The following RUNX2 variants were observed in gnomAD, a reference collection of about 807,000 sequenced individuals.
RUNX2 encodes the protein runt-related transcription factor 2.
In RUNX2, 10 loss-of-function variants were observed where a neutral mutation model predicts 51.7. The ratio of observed to expected loss-of-function variants is 0.19; its 90% CI spans 0.12 to 0.33. The LOEUF (loss-of-function observed/expected upper bound fraction) is 0.33. Ranked by LOEUF, RUNX2 falls within the 10% of genes least tolerant of loss-of-function variation. RUNX2 has a pLI of 1.00. For missense variants in RUNX2, 562 were observed against 691.3 expected, an observed-to-expected ratio of 0.81 and a Z score of 2.10; for synonymous variants, 276 against 273.6, an observed-to-expected ratio of 1.01 and a Z score of -0.09.
At chr6:45,429,701 T>A (rs1166603628) in intron 3 of RUNX2, among the ~76,000 whole-genome samples, 2 of 152,210 alleles carry the variant, frequency 1.3e-5, no homozygotes, top group African/African-American at 4.8e-5. Flanking sequence ...GGGTGCTGAC[T>A]CAACATTAAC....
At chr6:45,372,519 T>C (rs1181696113) in intron 2 of RUNX2, among the ~76,000 whole-genome samples, 1 of 152,154 alleles carries the variant, frequency 6.6e-6, no homozygotes, top group Non-Finnish European at 1.5e-5. Flanking sequence ...TCAGCAAAAG[T>C]ACATTTCAAG....
intron 2 of RUNX2, among the ~76,000 whole-genome samples, chr6:45,381,211 A>C (rs1160307209): frequency 6.6e-6 from 1 of 152,182 alleles, no homozygotes; most frequent in African/African-American, 2.4e-5. Flanking sequence ...CAAAAAGATT[A>C]CTCAGCCCGG....
At chr6:45,375,193 G>A (rs1047690287) in intron 2 of RUNX2, among the ~76,000 whole-genome samples, 2 of 152,188 alleles carry the variant, frequency 1.3e-5, no homozygotes, top group Admixed American at 6.5e-5. Flanking sequence ...GGCAACAAGA[G>A]TGAAACTCCA....
intron 5 of RUNX2, among the ~76,000 whole-genome samples, chr6:45,462,157 CT>C (rs1799496122): frequency 1.3e-5 from 2 of 152,110 alleles, no homozygotes; most frequent in Admixed American, 1.3e-4. Flanking sequence ...AGGAAATTGC[CT>C]TAAATACATG....
At chr6:45,339,957 A>G (rs1789413917) in intron 2 of RUNX2, among the ~76,000 whole-genome samples, 1 of 152,180 alleles carries the variant, frequency 6.6e-6, no homozygotes, top group African/African-American at 2.4e-5. Context: ...TATATGAGAC[A>G]TGTATCATAA....
intron 2 of RUNX2, among the ~76,000 whole-genome samples, chr6:45,372,206 C>T (rs72862907): frequency 0.018 from 2,740 of 152,256 alleles, 42 homozygotes; most frequent in South Asian, 0.044. Flanking sequence ...AGTTATGCCA[C>T]CTCACTGCCT....
rs1802513928 is a variant in RUNX2, at chr6:45,549,910, C to T, written c.*2605C>T. On this transcript the variant is annotated 3_prime_UTR_variant, in exon 9 of 9. Transcript: ENST00000647337. Reference sequence around the variant, plus strand: ...CAAGCACTTCTTCCCTCCACCCTCACTCCAACCACCCCAATGGGGGTAATT... The same window carrying T: ...CAAGCACTTCTTCCCTCCACCCTCATTCCAACCACCCCAATGGGGGTAATT... 6.6e-6 allele frequency: 1 copy of T among 152,622 alleles called. No individual in the cohort carries two copies. The highest frequency in any genetic ancestry group is 1.5e-5 in the Non-Finnish European group (1 of 68,078). The allele number at this position is 152,622 out of a possible 1,614,324, so 9.5% of individuals were successfully genotyped here. A position where few individuals can be genotyped will look rare whatever the true frequency, so the allele number is the denominator to read the frequency against.
chr6:45,534,206 A>C (rs1801959669), intron 7 of RUNX2, among the ~76,000 whole-genome samples: 1 of 151,604 alleles, frequency 6.6e-6, no homozygotes, highest in Non-Finnish European at 1.5e-5. Context: ...TCCCGTTGAG[A>C]CTTCTGTTTG....
intron 5 of RUNX2, among the ~76,000 whole-genome samples, chr6:45,480,376 G>T (rs1405166173): frequency 1.3e-5 from 2 of 152,074 alleles, no homozygotes; most frequent in Non-Finnish European, 2.9e-5. Context: ...TTATTAGGGG[G>T]GTTATTTCAA....
At position 45,550,237 on chromosome 6, in the gene RUNX2, TC is replaced by T. The variant is rs1322010899; in HGVS notation, c.*2934del. 6.6e-6 allele frequency: 1 copy of T among 152,598 alleles called. No individual in the cohort carries two copies. Among genetic ancestry groups the T allele is most frequent in the African/African-American group, 2.4e-5 (1 of 41,460 alleles). 9.5% of individuals were successfully genotyped at this position (152,598 alleles called of 1,614,324 possible). A position where few individuals can be genotyped will look rare whatever the true frequency, so the allele number is the denominator to read the frequency against. On this transcript the variant is annotated 3_prime_UTR_variant, in exon 9 of 9. Coordinates refer to ENST00000647337, the MANE Select transcript of RUNX2 (RefSeq NM_001024630.4). ...CACAAATTTTAACCCATATCAGAGT[TC>T]CAGAACAGGTACCACAGCTTTGGTT...
chr6:45,511,050 T>G (rs1801128258), intron 6 of RUNX2, among the ~76,000 whole-genome samples: 1 of 152,196 alleles, frequency 6.6e-6, no homozygotes, highest in Admixed American at 6.5e-5. Flanking sequence ...TTTTAAAAAT[T>G]AACATAATTT....
intron 7 of RUNX2, among the ~76,000 whole-genome samples, chr6:45,543,954 G>A (rs1229053798): frequency 1.9e-4 from 29 of 150,580 alleles, no homozygotes; most frequent in Admixed American, 6.6e-5. Context: ...TTTTATAAGG[G>A]ATCTCGTATG....
intron 2 of RUNX2, among the ~76,000 whole-genome samples, chr6:45,331,833 A>C (rs184546555): frequency 6.6e-6 from 1 of 152,124 alleles, no homozygotes; most frequent in Admixed American, 6.6e-5. Flanking sequence ...TAATTTATTC[A>C]ATTACTCTCT....
chr6:45,546,744 C>T lies in RUNX2; in HGVS notation c.1088-83C>T. ...CTTTATGGGAAAGCTAAAGTTTTCTCTTTTTTTTTCTTGTAACAATTCTAT... is the reference window on the plus strand; with the variant it reads ...CTTTATGGGAAAGCTAAAGTTTTCTTTTTTTTTTTCTTGTAACAATTCTAT... On this transcript the variant is annotated intron_variant, in intron 8 of 8. Coordinates refer to ENST00000647337, the MANE Select transcript of RUNX2 (RefSeq NM_001024630.4). 2.4e-6 allele frequency: 3 copies of T among 1,236,260 alleles called. No individual in the cohort carries two copies. In the South Asian group the frequency reaches 3.7e-5, roughly 15 times the overall value. The allele number at this position is 1,236,260 out of a possible 1,614,324, so 76.6% of individuals were successfully genotyped here.
chr6:45,371,041 T>C (rs1462383829), intron 2 of RUNX2, among the ~76,000 whole-genome samples: 2 of 152,208 alleles, frequency 1.3e-5, no homozygotes, highest in Admixed American at 1.3e-4. Context: ...AACACTGTTG[T>C]TCTTACACAA....
At chr6:45,456,754 A>G (rs1799330314) in intron 5 of RUNX2, among the ~76,000 whole-genome samples, 1 of 152,230 alleles carries the variant, frequency 6.6e-6, no homozygotes, top group South Asian at 2.1e-4. Flanking sequence ...AGAAAATAAT[A>G]TATTCTGTAT....
chr6:45,512,853 G>A (rs1161349816), intron 7 of RUNX2, among the ~76,000 whole-genome samples: 1 of 152,104 alleles, frequency 6.6e-6, no homozygotes, highest in Non-Finnish European at 1.5e-5. Context: ...AGTTCCAAGA[G>A]AGAGCACCTG....
At chr6:45,409,341 A>G (rs1477321594) in intron 2 of RUNX2, among the ~76,000 whole-genome samples, 2 of 152,212 alleles carry the variant, frequency 1.3e-5, no homozygotes, top group Non-Finnish European at 2.9e-5. Flanking sequence ...CTAACTCACT[A>G]TAAAACCTTC....
chr6:45,472,103 C>T (rs1799820099), intron 5 of RUNX2, among the ~76,000 whole-genome samples: 1 of 151,824 alleles, frequency 6.6e-6, no homozygotes, highest in East Asian at 1.9e-4. Flanking sequence ...CACGACTAGG[C>T]CATTTTTTAA....
Sources: gnomAD v4.1 joint callset for allele counts (sites outside exome capture counted in the v4.1 genomes callset) on GRCh38, gnomAD v4.1.1 for gene constraint, MANE v1.5 for transcripts, NCBI Gene and HGNC (gene_info 2026-07-23, HGNC 2026-07-21) for gene names.